Variants in EFNA5 observed in about 807,000 individuals in gnomAD.
EFNA5 encodes the protein ephrin A5, also known as ephrin-A5.
In EFNA5, 5 loss-of-function variants were observed where a neutral mutation model predicts 22.9. The observed-to-expected ratio is 0.22, with a 90% CI of 0.11 to 0.46. The LOEUF (loss-of-function observed/expected upper bound fraction) is 0.46. Ranked by LOEUF, EFNA5 falls within the 20% of genes least tolerant of loss-of-function variation. EFNA5 has a pLI of 0.99. For synonymous variants in EFNA5, 113 were observed against 112.2 expected (o/e 1.01, Z -0.04); for missense variants, 237 against 293.3 (o/e 0.81, Z 1.40).
intron 1 of EFNA5, among the ~76,000 whole-genome samples, chr5:107,667,455 T>G (rs17351074): frequency 0.025 from 3,737 of 152,150 alleles, 74 homozygotes; most frequent in Non-Finnish European, 0.038. Flanking sequence ...GTAATGAAAC[T>G]CCATGTAGAA....
intron 1 of EFNA5, among the ~76,000 whole-genome samples, chr5:107,540,224 A>C (rs1748016841): frequency 6.6e-6 from 1 of 152,202 alleles, no homozygotes; most frequent in Admixed American, 6.5e-5. Flanking sequence ...GAACATACAT[A>C]ATTATGCCCA....
intron 1 of EFNA5, among the ~76,000 whole-genome samples, chr5:107,559,891 T>G (rs1469319085): frequency 2.0e-5 from 3 of 152,220 alleles, no homozygotes; most frequent in African/African-American, 7.2e-5. Context: ...CCCCCAAATC[T>G]GAACATATGA....
intron 1 of EFNA5, among the ~76,000 whole-genome samples, chr5:107,514,790 C>G (rs142323624): frequency 6.6e-6 from 1 of 152,190 alleles, no homozygotes; most frequent in African/African-American, 2.4e-5. Flanking sequence ...ACCTGCCTCC[C>G]GTCTCCTCTT....
chr5:107,434,251 T>C (rs152612), intron 1 of EFNA5, among the ~76,000 whole-genome samples: 53,763 of 152,088 alleles, frequency 0.35, 9,623 homozygotes, highest in East Asian at 0.53. Context: ...GGTTCCTCTT[T>C]ACTAAGGTAA....
intron 1 of EFNA5, among the ~76,000 whole-genome samples, chr5:107,623,144 G>A (rs566432210): frequency 7.9e-5 from 12 of 151,390 alleles, no homozygotes; most frequent in Non-Finnish European, 1.8e-4. Context: ...CCCCAGATGG[G>A]TTTTACTTCC....
At chr5:107,409,892 T>C (rs985394700) in intron 2 of EFNA5, among the ~76,000 whole-genome samples, 2 of 152,204 alleles carry the variant, frequency 1.3e-5, no homozygotes, top group Admixed American at 1.3e-4. Flanking sequence ...TCATCAAATC[T>C]AATCAGAAGT....
At chr5:107,635,420 C>T (rs1750352893) in intron 1 of EFNA5, among the ~76,000 whole-genome samples, 2 of 152,198 alleles carry the variant, frequency 1.3e-5, no homozygotes, top group Admixed American at 1.3e-4. Context: ...CTTCCCCCAG[C>T]GGTTCAGCAG....
intron 2 of EFNA5, among the ~76,000 whole-genome samples, chr5:107,426,330 C>CTA (rs1748809018): frequency 6.6e-6 from 1 of 152,268 alleles, no homozygotes. Context: ...TAGCTACCAC[C>CTA]TATAATCTTG....
At chr5:107,577,557 A>G (rs1361631277) in intron 1 of EFNA5, among the ~76,000 whole-genome samples, 1 of 152,202 alleles carries the variant, frequency 6.6e-6, no homozygotes, top group Non-Finnish European at 1.5e-5. Context: ...AAATGGAATT[A>G]GACCAAATGT....
intron 2 of EFNA5, among the ~76,000 whole-genome samples, chr5:107,412,227 G>A (rs3797521): frequency 0.22 from 33,341 of 152,060 alleles, 3,866 homozygotes; most frequent in South Asian, 0.33. Flanking sequence ...TCTCCGTGGT[G>A]TAATTTTATT....
chr5:107,547,487 G>T (rs1438447517), intron 1 of EFNA5, among the ~76,000 whole-genome samples: 1 of 151,496 alleles, frequency 6.6e-6, no homozygotes, highest in Non-Finnish European at 1.5e-5. Flanking sequence ...AGGAATTTCT[G>T]GTTTACAGTT....
At chr5:107,482,808 CTCTCTG>C (rs1561406198) in intron 1 of EFNA5, among the ~76,000 whole-genome samples, 1 of 89,274 alleles carries the variant, frequency 1.1e-5, no homozygotes, top group Non-Finnish European at 2.2e-5. Context: ...CTCTCTCTCT[CTCTCTG>C]TCTCTCTCTC....
chr5:107,525,997 A>T (rs982388359), intron 1 of EFNA5, among the ~76,000 whole-genome samples: 6 of 152,210 alleles, frequency 3.9e-5, no homozygotes, highest in African/African-American at 1.4e-4. Context: ...ACTGTACTAT[A>T]GAAGATATTT....
intron 1 of EFNA5, among the ~76,000 whole-genome samples, chr5:107,558,943 T>G (rs1380693915): frequency 3.9e-5 from 6 of 152,216 alleles, no homozygotes; most frequent in African/African-American, 1.4e-4. Context: ...GTGTTTTTCT[T>G]TTCTTATATA....
At chr5:107,569,371 ATATATATATATTTTTATGTATATGTGTG>A (rs1748726037) in intron 1 of EFNA5, among the ~76,000 whole-genome samples, 1 of 131,108 alleles carries the variant, frequency 7.6e-6, no homozygotes, top group African/African-American at 3.7e-5. Context: ...ATACGTGTAT[ATATATATATATTTTTATGTATATGTGTG>A]TATATATATA....
At chr5:107,624,013 A>G (rs1750095196) in intron 1 of EFNA5, among the ~76,000 whole-genome samples, 1 of 152,088 alleles carries the variant, frequency 6.6e-6, no homozygotes, top group Admixed American at 6.6e-5. Context: ...ACATTCTTAA[A>G]ATAGAATTTC....
intron 1 of EFNA5, among the ~76,000 whole-genome samples, chr5:107,511,729 T>C (rs1747373579): frequency 6.6e-6 from 1 of 152,092 alleles, no homozygotes; most frequent in South Asian, 2.1e-4. Flanking sequence ...TTATCACCAC[T>C]GCCTATTTAA....
At chr5:107,667,615 G>A (rs1046360796) in intron 1 of EFNA5, among the ~76,000 whole-genome samples, 1 of 152,026 alleles carries the variant, frequency 6.6e-6, no homozygotes, top group East Asian at 1.9e-4. Context: ...GATTTACTTC[G>A]TTTAGACACA....
At chr5:107,467,710 C>T (rs1561399243) in intron 1 of EFNA5, among the ~76,000 whole-genome samples, 1 of 152,204 alleles carries the variant, frequency 6.6e-6, no homozygotes, top group East Asian at 1.9e-4. Flanking sequence ...ATATAAGAGT[C>T]AGAGTCAGCA....
Sources: allele counts gnomAD v4.1 joint callset (sites outside exome capture counted in the v4.1 genomes callset), GRCh38; gene constraint gnomAD v4.1.1; transcripts MANE v1.5; gene names NCBI Gene and HGNC (gene_info 2026-07-23, HGNC 2026-07-21).